Variants in LINGO2 observed in about 807,000 individuals in gnomAD.
LINGO2 encodes leucine rich repeat and Ig domain containing 2, also known as leucine-rich repeat and immunoglobulin-like domain-containing nogo receptor-interacting protein 2.
In LINGO2, 14 loss-of-function variants were observed where a neutral mutation model predicts 30.6. That is an observed-to-expected ratio of 0.46 (90% CI 0.30 to 0.72). LINGO2 has a LOEUF of 0.72. LINGO2 is among the 30% of genes least tolerant of loss of function. The probability of loss-of-function intolerance (pLI) is 0.07; values close to 1 mark genes in which losing one functional copy is unlikely to be tolerated. For synonymous variants in LINGO2, 317 were observed against 288.5 expected, an observed-to-expected ratio of 1.10 and a Z score of -1.00; for missense variants, 729 against 751.7, an observed-to-expected ratio of 0.97 and a Z score of 0.35.
chr9:29,123,432 T>C, the LINGO2 span, among the ~76,000 whole-genome samples: 2 of 152,056 alleles, frequency 1.3e-5, no homozygotes, highest in African/African-American at 2.4e-5. Flanking sequence ...TTATTTCAAA[T>C]GTAACTTCCA....
the LINGO2 span, among the ~76,000 whole-genome samples, chr9:29,002,361 G>A: frequency 2.6e-5 from 4 of 152,066 alleles, no homozygotes; most frequent in African/African-American, 9.7e-5. Context: ...GGAGGGTACA[G>A]AGGTAATTTG....
chr9:29,125,698 A>G, the LINGO2 span, among the ~76,000 whole-genome samples: 206 of 152,284 alleles, frequency 1.4e-3, no homozygotes, highest in Middle Eastern at 0.02. Context: ...AAGTGAAAAT[A>G]AATCATTAAA....
chr9:28,924,645 G>A, the LINGO2 span, among the ~76,000 whole-genome samples: 2 of 152,164 alleles, frequency 1.3e-5, 1 homozygote, highest in Non-Finnish European at 2.9e-5. Flanking sequence ...ATGTTTGGAA[G>A]GGAAATGACA....
the LINGO2 span, among the ~76,000 whole-genome samples, chr9:28,809,938 T>C: frequency 6.6e-6 from 1 of 152,122 alleles, no homozygotes; most frequent in Non-Finnish European, 1.5e-5. Flanking sequence ...GTTTAGAACA[T>C]ATTTCTGCTA....
intron 3 of LINGO2, among the ~76,000 whole-genome samples, chr9:28,307,099 T>C (rs1317942295): frequency 3.3e-5 from 5 of 152,206 alleles, no homozygotes; most frequent in African/African-American, 1.2e-4. Flanking sequence ...ATCATTCTGA[T>C]ACCAAAGCCC....
At chr9:28,793,708 T>C in the LINGO2 span, among the ~76,000 whole-genome samples, 2 of 152,308 alleles carry the variant, frequency 1.3e-5, no homozygotes, top group East Asian at 3.9e-4. Flanking sequence ...ACAAATCATC[T>C]GAATAAAATA....
chr9:28,059,368 C>T (rs551114293), intron 4 of LINGO2, among the ~76,000 whole-genome samples: 4 of 152,160 alleles, frequency 2.6e-5, no homozygotes, highest in South Asian at 2.1e-4. Context: ...CCCACCCCAC[C>T]GGGTCCCAGC....
intron 2 of LINGO2, among the ~76,000 whole-genome samples, chr9:28,383,254 T>TTTTG (rs1554714265): frequency 2.3e-3 from 168 of 73,706 alleles, no homozygotes; most frequent in African/African-American, 5.2e-3. Context: ...TCACCATTCA[T>TTTTG]TGTGTGTGTG....
At chr9:28,705,269 T>C in the LINGO2 span, among the ~76,000 whole-genome samples, 1 of 151,998 alleles carries the variant, frequency 6.6e-6, no homozygotes, top group Admixed American at 6.6e-5. Flanking sequence ...TAAAAGAAAT[T>C]ATAGTAAATA....
At chr9:29,146,066 A>T in the LINGO2 span, among the ~76,000 whole-genome samples, 7 of 152,204 alleles carry the variant, frequency 4.6e-5, no homozygotes, top group Non-Finnish European at 8.8e-5. Context: ...TCAGTTATCA[A>T]TTTTTTATAC....
the LINGO2 span, among the ~76,000 whole-genome samples, chr9:28,965,308 T>C: frequency 6.6e-6 from 1 of 151,976 alleles, no homozygotes; most frequent in Non-Finnish European, 1.5e-5. Context: ...AACACTAATA[T>C]CAATTGATAT....
chr9:28,433,845 A>G (rs1823781201), intron 2 of LINGO2, among the ~76,000 whole-genome samples: 1 of 151,702 alleles, frequency 6.6e-6, no homozygotes, highest in East Asian at 1.9e-4. Flanking sequence ...ACAGCAGCAC[A>G]ATTTGCAACT....
the LINGO2 span, among the ~76,000 whole-genome samples, chr9:28,974,990 T>G: frequency 4.0e-5 from 6 of 151,868 alleles, no homozygotes; most frequent in East Asian, 1.2e-3. Context: ...AATGAGTAAT[T>G]TGAAATATCT....
chr9:28,998,920 G>T, the LINGO2 span, among the ~76,000 whole-genome samples: 1 of 152,022 alleles, frequency 6.6e-6, no homozygotes, highest in Non-Finnish European at 1.5e-5. Context: ...TTCCGCTTCC[G>T]TAATTTTAGA....
chr9:28,341,174 T>C (rs1160070224), intron 3 of LINGO2, among the ~76,000 whole-genome samples: 1 of 152,118 alleles, frequency 6.6e-6, no homozygotes, highest in African/African-American at 2.4e-5. Flanking sequence ...GCCTGGGCCA[T>C]TTTAAAATCC....
chr9:28,173,134 G>T lies in LINGO2; in HGVS notation c.-87+122074C>A, dbSNP rs151236748. On this transcript the variant is annotated intron_variant, in intron 4 of 5. Transcript: ENST00000379992. ...TTAAAGACAGCTTAAAGATTTCAAG[G>T]TCTGTTATATATATATACACATACA... Among the ~76,000 whole-genome samples, 6 of 152,180 alleles carry T rather than the reference G, an allele frequency of 3.9e-5. No homozygotes were observed. In the East Asian group the frequency reaches 1.2e-3, roughly 29 times the overall value.
chr9:28,554,657 C>A (rs866551701), intron 1 of LINGO2, among the ~76,000 whole-genome samples: 379 of 88,296 alleles, frequency 4.3e-3, no homozygotes, highest in Non-Finnish European at 5.5e-3. Flanking sequence ...ACCTAATAGA[C>A]ATCTACAGAA....
chr9:29,124,151 G>C, the LINGO2 span, among the ~76,000 whole-genome samples: 1 of 152,076 alleles, frequency 6.6e-6, no homozygotes, highest in Non-Finnish European at 1.5e-5. Flanking sequence ...ACAAAAACAA[G>C]CAATGGGGAA....
chr9:29,199,535 C>T, the LINGO2 span, among the ~76,000 whole-genome samples: 1 of 152,066 alleles, frequency 6.6e-6, no homozygotes, highest in Admixed American at 6.6e-5. Flanking sequence ...AGGCAGCATC[C>T]TTGAACAGGA....
Sources: gnomAD v4.1 joint callset for allele counts (sites outside exome capture counted in the v4.1 genomes callset) on GRCh38, gnomAD v4.1.1 for gene constraint, MANE v1.5 for transcripts, NCBI Gene and HGNC (gene_info 2026-07-23, HGNC 2026-07-21) for gene names.